FANCC: variants seen among roughly 807,000 people sequenced by gnomAD.
FANCC encodes the protein Fanconi anemia group C protein.
FANCC carries 55 observed loss-of-function variants against 71.3 expected under a neutral mutation model. That is an observed-to-expected ratio of 0.77 (90% confidence interval 0.62 to 0.97). The LOEUF is 0.97. Among genes scored for constraint, FANCC ranks in the 50% least tolerant of loss-of-function variants. The probability of loss-of-function intolerance (pLI) is 0.00; values close to 1 mark genes in which losing one functional copy is unlikely to be tolerated. For synonymous variants in FANCC, 275 were observed against 244.9 expected (o/e 1.12, Z -1.15); for missense variants, 678 against 670.9 (o/e 1.01, Z -0.12).
chr9:95,279,178 C>G (rs1015887439), intron 1 of FANCC, among the ~76,000 whole-genome samples: 1 of 151,942 alleles, frequency 6.6e-6, no homozygotes, highest in African/African-American at 2.4e-5. Flanking sequence ...ATTAGCTGGG[C>G]ATGGTGGTGC....
chr9:95,203,706 T>C (rs1370881621), intron 4 of FANCC, among the ~76,000 whole-genome samples: 1 of 152,162 alleles, frequency 6.6e-6, no homozygotes, highest in Non-Finnish European at 1.5e-5. Flanking sequence ...TTAACAAAAA[T>C]ATTATTTATG....
intron 10 of FANCC, chr9:95,123,876 A>G: frequency 1.8e-6 from 1 of 543,496 alleles, no homozygotes; most frequent in Admixed American, 2.3e-5. Flanking sequence ...TAAGGAGTTG[A>G]GTCCTTAAAG....
chr9:95,240,155 G>T (rs993675619), intron 4 of FANCC, among the ~76,000 whole-genome samples: 1 of 152,172 alleles, frequency 6.6e-6, no homozygotes, highest in Admixed American at 6.5e-5. Flanking sequence ...AGCAGAGGCT[G>T]CGCAGCACCA....
intron 3 of FANCC, among the ~76,000 whole-genome samples, chr9:95,245,085 C>T (rs1228018696): frequency 7.9e-5 from 12 of 152,026 alleles, no homozygotes; most frequent in Non-Finnish European, 1.3e-4. Context: ...ATTACATCCA[C>T]GATGTACATT....
At chr9:95,146,265 C>T (rs1018321860) in intron 7 of FANCC, among the ~76,000 whole-genome samples, 4 of 151,902 alleles carry the variant, frequency 2.6e-5, no homozygotes, top group African/African-American at 4.8e-5. Context: ...GACAGGCAGA[C>T]TCCTTGAGCC....
intron 4 of FANCC, among the ~76,000 whole-genome samples, chr9:95,195,360 A>C (rs2135767001): frequency 6.6e-6 from 1 of 152,160 alleles, no homozygotes; most frequent in East Asian, 1.9e-4. Flanking sequence ...CAACTGCAAA[A>C]GCACCATTTG....
intron 4 of FANCC, among the ~76,000 whole-genome samples, chr9:95,181,158 ATTGTGTGTGT>A (rs1314262448): frequency 2.2e-5 from 1 of 45,734 alleles, no homozygotes; most frequent in East Asian, 7.0e-4. Context: ...ACACGTACAC[ATTGTGTGTGT>A]GTGTGTGTGT....
intron 4 of FANCC, among the ~76,000 whole-genome samples, chr9:95,173,910 A>C (rs964971777): frequency 6.6e-6 from 1 of 152,194 alleles, no homozygotes; most frequent in African/African-American, 2.4e-5. Context: ...GGAAAAGAAA[A>C]GTTTATGAAT....
At chr9:95,237,781 T>C (rs1173711886) in intron 4 of FANCC, among the ~76,000 whole-genome samples, 1 of 152,164 alleles carries the variant, frequency 6.6e-6, no homozygotes, top group African/African-American at 2.4e-5. Flanking sequence ...ATACAACACG[T>C]AGATATAAGT....
At chr9:95,292,009 C>G (rs986306303) in intron 1 of FANCC, among the ~76,000 whole-genome samples, 1 of 118,340 alleles carries the variant, frequency 8.5e-6, no homozygotes, top group African/African-American at 3.2e-5. Flanking sequence ...CCCCAAAGAG[C>G]CAAAGCAATC....
intron 4 of FANCC, among the ~76,000 whole-genome samples, chr9:95,220,877 T>TAATA (rs200843713): frequency 1.2e-4 from 18 of 151,726 alleles, no homozygotes; most frequent in Middle Eastern, 3.4e-3. Flanking sequence ...TAAAAAATAA[T>TAATA]AATAAATAAA....
At chr9:95,247,350 G>T in intron 3 of FANCC, 82 bp downstream of exon 3, 1 of 1,014,984 alleles carries the variant, frequency 9.9e-7, no homozygotes, top group Non-Finnish European at 1.5e-6. Context: ...AAAACTAGGA[G>T]AAAGGTTCAT....
intron 6 of FANCC, among the ~76,000 whole-genome samples, chr9:95,165,628 G>A (rs1007139629): frequency 6.6e-6 from 1 of 151,838 alleles, no homozygotes; most frequent in Non-Finnish European, 1.5e-5. Flanking sequence ...CTATTCCCTT[G>A]TGGTCAGAAA....
chr9:95,189,013 T>C (rs771055037), intron 4 of FANCC, among the ~76,000 whole-genome samples: 1 of 152,234 alleles, frequency 6.6e-6, no homozygotes, highest in Non-Finnish European at 1.5e-5. Context: ...AGCATATTAT[T>C]TGTGCATTCT....
At chr9:95,258,529 G>A (rs1488905708) in intron 1 of FANCC, among the ~76,000 whole-genome samples, 1 of 152,164 alleles carries the variant, frequency 6.6e-6, no homozygotes, top group African/African-American at 2.4e-5. Context: ...AGGTATTGAT[G>A]GAACGTATCT....
rs61093923 is a variant in FANCC, at chr9:95,146,487, CAAAAAAAA to C, written c.686+3428_686+3435del. ...TATGTGACAGAGTGAGACCCCATCT[CAAAAAAAA>C]AAAAAAAAAAAAAAAAATTGAAAAC... On this transcript the variant is annotated intron_variant, in intron 7 of 14. Coordinates refer to ENST00000289081, the MANE Select transcript of FANCC (RefSeq NM_000136.3). Among the ~76,000 whole-genome samples, 8 of 45,572 alleles carry C rather than the reference CAAAAAAAA, an allele frequency of 1.8e-4. No individual in the cohort carries two copies. The South Asian group carries it at 4.6e-3, about 26-fold the overall frequency. 29.9% of individuals were successfully genotyped at this position (45,572 alleles called of 152,430 possible).
chr9:95,268,932 A>G (rs1408935052), intron 1 of FANCC, among the ~76,000 whole-genome samples: 1 of 152,166 alleles, frequency 6.6e-6, no homozygotes, highest in East Asian at 1.9e-4. Context: ...AGCCGATGCT[A>G]TGCTATAGCA....
chr9:95,277,437 C>T (rs1689801034), intron 1 of FANCC, among the ~76,000 whole-genome samples: 1 of 152,142 alleles, frequency 6.6e-6, no homozygotes, highest in African/African-American at 2.4e-5. Context: ...TTGATCAGTA[C>T]ATAATATATA....
chr9:95,209,793 G>T (rs1158299077), intron 4 of FANCC, among the ~76,000 whole-genome samples: 1 of 152,034 alleles, frequency 6.6e-6, no homozygotes, highest in Non-Finnish European at 1.5e-5. Context: ...TCTGGTTCAA[G>T]CCCTCATAAC....
Sources: gnomAD v4.1 joint callset for allele counts (sites outside exome capture counted in the v4.1 genomes callset) on GRCh38, gnomAD v4.1.1 for gene constraint, MANE v1.5 for transcripts, NCBI Gene and HGNC (gene_info 2026-07-23, HGNC 2026-07-21) for gene names.